Variants in IL33 observed in about 807,000 individuals in gnomAD.
IL33 encodes interleukin-33.
IL33 carries 37 observed loss-of-function variants against 27.3 expected under a neutral mutation model. The ratio of observed to expected loss-of-function variants is 1.36; its 90% CI spans 1.04 to 1.78. The LOEUF (loss-of-function observed/expected upper bound fraction) is 1.78. IL33 is among the 40% of genes most tolerant of loss of function. The pLI is 0.00. For missense variants in IL33, 406 were observed against 311.4 expected, an observed-to-expected ratio of 1.30 and a Z score of -2.29; for synonymous variants, 132 against 102.9, an observed-to-expected ratio of 1.28 and a Z score of -1.71.
intron 1 of IL33, among the ~76,000 whole-genome samples, chr9:6,217,855 A>AATACTTAAT (rs1181732953): frequency 5.4e-5 from 8 of 147,032 alleles, no homozygotes; most frequent in South Asian, 2.1e-4. Context: ...CAGAGACTTG[A>AATACTTAAT]GAGTGAAGTG....
At chr9:6,222,389 C>A (rs1818449243) in intron 1 of IL33, among the ~76,000 whole-genome samples, 1 of 152,174 alleles carries the variant, frequency 6.6e-6, no homozygotes, top group Non-Finnish European at 1.5e-5. Context: ...AAGGAACCAG[C>A]CTTGCAGCAT....
chr9:6,238,474 T>C (rs1177088463), intron 1 of IL33, among the ~76,000 whole-genome samples: 1 of 152,190 alleles, frequency 6.6e-6, no homozygotes, highest in Non-Finnish European at 1.5e-5. Context: ...TGGATGTAAA[T>C]AGGTGGCATG....
intron 5 of IL33, among the ~76,000 whole-genome samples, chr9:6,253,255 T>A (rs377694718): frequency 2.0e-5 from 3 of 152,180 alleles, no homozygotes; most frequent in East Asian, 3.8e-4. Flanking sequence ...AGGGGCCACA[T>A]GTATTTGCTA....
chr9:6,227,650 A>G (rs1818702256), intron 1 of IL33, among the ~76,000 whole-genome samples: 1 of 152,150 alleles, frequency 6.6e-6, no homozygotes, highest in African/African-American at 2.4e-5. Context: ...TCTTCCAACC[A>G]TTAAGTGTAA....
chr9:6,231,261 GCTT>G (rs945140266), intron 1 of IL33, among the ~76,000 whole-genome samples: 10 of 152,222 alleles, frequency 6.6e-5, no homozygotes, highest in Non-Finnish European at 1.2e-4. Context: ...TGAAATCCAA[GCTT>G]CTTCCTTTGG....
intron 2 of IL33, among the ~76,000 whole-genome samples, chr9:6,248,750 T>C (rs2130397294): frequency 6.6e-6 from 1 of 151,978 alleles, no homozygotes; most frequent in East Asian, 1.9e-4. Context: ...ACTTTTTTTT[T>C]TTAAATTTTT....
intron 2 of IL33, among the ~76,000 whole-genome samples, chr9:6,248,005 C>A (rs1819964505): frequency 6.6e-6 from 1 of 151,976 alleles, no homozygotes; most frequent in Non-Finnish European, 1.5e-5. Context: ...ATCCTGTTCC[C>A]CCCAGAGTCC....
At position 6,255,967 on chromosome 9, in the gene IL33, G is replaced by C. The variant is rs146597587; in HGVS notation, c.613-1G>C. On this transcript the variant is annotated splice_acceptor_variant, in intron 7 of 7. Transcript: ENST00000682010. LOFTEE classifies it high-confidence loss of function. ...GATTGCTTTCTCTCTTGTTTCCTCA[G>C]CTCCATAAGTGTGAAAAACCACTGC... 3.4e-3 allele frequency: 5,464 copies of C among 1,612,596 alleles called. 10 individuals are homozygous for C. The highest frequency in any genetic ancestry group is 4.2e-3 in the Non-Finnish European group (4,977 of 1,178,820).
chr9:6,218,711 CATATATATATATGTTCTCCAT>C (rs1818266631), intron 1 of IL33, among the ~76,000 whole-genome samples: 3 of 109,838 alleles, frequency 2.7e-5, no homozygotes, highest in African/African-American at 6.1e-5. Context: ...ATATGTTCTC[CATATATATATATGTTCTCCAT>C]ATATATATAT....
intron 1 of IL33, among the ~76,000 whole-genome samples, 187 bp from the exon 2 acceptor site, chr9:6,241,497 C>T (rs749138589): frequency 1.3e-5 from 2 of 152,156 alleles, no homozygotes; most frequent in Non-Finnish European, 2.9e-5. Flanking sequence ...ACCAAAGCCT[C>T]ATTATGCAGT....
At chr9:6,229,629 C>T (rs1481545226) in intron 1 of IL33, among the ~76,000 whole-genome samples, 2 of 152,160 alleles carry the variant, frequency 1.3e-5, no homozygotes, top group South Asian at 4.1e-4. Flanking sequence ...TGGGTAGGGT[C>T]CCCACATCTG....
rs73398574 is a variant in IL33 at position 6,257,724 on chromosome 9, A to G, written c.*1556A>G. On this transcript the variant is annotated 3_prime_UTR_variant, in exon 8 of 8. Coordinates refer to ENST00000682010, the MANE Select transcript of IL33 (RefSeq NM_033439.4). ...TTGAGACCTATTAGATGTAAGTGCT[A>G]GTAGAATATAAGATAAAAGAGGCTG... The G allele has an allele frequency of 0.078, 11,848 of 152,294 alleles. 986 individuals carry two copies. Among genetic ancestry groups the G allele is most frequent in the African/African-American group, 0.21 (8,565 of 41,510 alleles). The allele number at this position is 152,294 out of a possible 1,614,324, so 9.4% of individuals were successfully genotyped here.
Position 6,241,778 on chromosome 9 carries a change from G to C in IL33, c.84G>C (p.Lys28Asn), listed in dbSNP as rs754861043. 32 of 1,608,088 alleles carry C rather than the reference G, an allele frequency of 2.0e-5. 1 individual carries two copies. The highest frequency in any genetic ancestry group is 1.0e-4 in the Admixed American group (6 of 59,372). ...KNTASKALCF[K>N]LGKSQQKAKE... Reference sequence around the variant, plus strand: ...CAGCAAGCAAAGCCTTGTGTTTCAAGCTGGGAAGTAAGGACTTAAGTTATC... The same window carrying C: ...CAGCAAGCAAAGCCTTGTGTTTCAACCTGGGAAGTAAGGACTTAAGTTATC... Residue 28 changes from lysine (K) to asparagine (N), a missense_variant, in exon 2 of 8, where the codon AAG becomes AAC. Transcript: ENST00000682010.
chr9:6,251,393 T>G, intron 4 of IL33, 128 bp downstream of exon 4: 1 of 1,362,528 alleles, frequency 7.3e-7, no homozygotes, highest in Non-Finnish European at 1.0e-6. Flanking sequence ...TCTGCCCATT[T>G]GCAGCTGATG....
chr9:6,235,224 C>A (rs1158587207), intron 1 of IL33, among the ~76,000 whole-genome samples: 2 of 151,974 alleles, frequency 1.3e-5, no homozygotes, highest in Non-Finnish European at 2.9e-5. Context: ...AAAATTTTTT[C>A]TGTAGAGACA....
rs532961862 is a variant in IL33, at chr9:6,257,683, T to G, written c.*1515T>G. 2 of 152,428 alleles carry G rather than the reference T, an allele frequency of 1.3e-5. No individual in the cohort carries two copies. Among genetic ancestry groups the G allele is most frequent in the South Asian group, 4.1e-4 (2 of 4,828 alleles). 9.4% of individuals were successfully genotyped at this position (152,428 alleles called of 1,614,324 possible). A position where few individuals can be genotyped will look rare whatever the true frequency, so the allele number is the denominator to read the frequency against. On this transcript the variant is annotated 3_prime_UTR_variant, in exon 8 of 8. Transcript: ENST00000682010. ...TGACCTTTTCTGAAAATACATACTT[T>G]TACATTTCTACTTTATTGAGACCTA...
chr9:6,253,687 T>A, intron 6 of IL33, 85 bp downstream of exon 6: 3 of 1,079,452 alleles, frequency 2.8e-6, no homozygotes, highest in Non-Finnish European at 4.1e-6. Flanking sequence ...TTTTGCCCCA[T>A]AGGAAAAAAG....
At chr9:6,255,028 G>T (rs544434156) in intron 7 of IL33, among the ~76,000 whole-genome samples, 27 of 152,180 alleles carry the variant, frequency 1.8e-4, no homozygotes, top group African/African-American at 6.5e-4. Context: ...TTTCCATTCT[G>T]AGCCTGCTTA....
At chr9:6,251,288 T>C (rs1564072254) in intron 4 of IL33, 23 bp downstream of exon 4, 2 of 1,611,082 alleles carry the variant, frequency 1.2e-6, no homozygotes, top group Middle Eastern at 1.7e-4. Flanking sequence ...ACAGGGGTGA[T>C]GTGGGAGTGA....
Sources: allele counts gnomAD v4.1 joint callset (sites outside exome capture counted in the v4.1 genomes callset), GRCh38; gene constraint gnomAD v4.1.1; transcripts MANE v1.5; gene names NCBI Gene and HGNC (gene_info 2026-07-23, HGNC 2026-07-21).